The following ADAMTS18 variants were observed in gnomAD, a reference collection of about 807,000 sequenced individuals.
The protein encoded by ADAMTS18 is A disintegrin and metalloproteinase with thrombospondin motifs 18.
ADAMTS18 carries 157 observed loss-of-function variants against 165.9 expected under a neutral mutation model. The observed-to-expected ratio is 0.95, with a 90% confidence interval of 0.83 to 1.08. The LOEUF is 1.08. Ranked by LOEUF, ADAMTS18 falls within the 50% of genes least tolerant of loss-of-function variation. The pLI is 0.00. For synonymous variants in ADAMTS18, 782 were observed against 578.2 expected, an observed-to-expected ratio of 1.35 and a Z score of -5.06; for missense variants, 2,040 against 1,534.0, an observed-to-expected ratio of 1.33 and a Z score of -5.51.
chr16:77,426,465 G>T (rs540177959), intron 3 of ADAMTS18, among the ~76,000 whole-genome samples: 223 of 152,264 alleles, frequency 1.5e-3, no homozygotes, highest in Non-Finnish European at 2.3e-3. Flanking sequence ...GCATTGTACA[G>T]CTCAGAGAGG....
In ADAMTS18 at chr16:77,297,309, G is replaced by A. The variant is rs377074746; in HGVS notation, c.2781C>T (p.Asn927=). ...TKPVTEPKIC[N]AFSCPAYWMP... is the part of the protein sequence containing the mutation. Reference sequence around the variant, plus strand: ...CTTACTAAGCCGGGCAGGAGAAAGCGTTGCAGATTTTGGGCTCAGTTACTG... The same window carrying A: ...CTTACTAAGCCGGGCAGGAGAAAGCATTGCAGATTTTGGGCTCAGTTACTG... Residue 927 remains asparagine (N), a synonymous_variant, in exon 18 of 23, where the codon AAC becomes AAT. Coordinates refer to ENST00000282849, the MANE Select transcript of ADAMTS18 (RefSeq NM_199355.4). 1.7e-4 allele frequency: 277 copies of A among 1,614,036 alleles called. No individual in the cohort carries two copies. Among genetic ancestry groups the A allele is most frequent in the Middle Eastern group, 3.3e-4 (2 of 6,084 alleles).
intron 16 of ADAMTS18, among the ~76,000 whole-genome samples, chr16:77,308,964 C>T (rs1217645811): frequency 6.6e-6 from 1 of 152,138 alleles, no homozygotes; most frequent in Non-Finnish European, 1.5e-5. Context: ...AAACATAATG[C>T]AGTCACTGAT....
chr16:77,374,669 G>A (rs924434731), intron 3 of ADAMTS18, among the ~76,000 whole-genome samples: 8 of 152,148 alleles, frequency 5.3e-5, no homozygotes, highest in Admixed American at 5.2e-4. Flanking sequence ...TGGACTAACC[G>A]GTTTGGAAGC....
intron 10 of ADAMTS18, among the ~76,000 whole-genome samples, chr16:77,342,611 A>T (rs1038610896): frequency 3.3e-5 from 5 of 152,158 alleles, no homozygotes; most frequent in African/African-American, 1.2e-4. Context: ...TCTCTATTGC[A>T]GTTTTCAAAT....
intron 22 of ADAMTS18, among the ~76,000 whole-genome samples, chr16:77,288,841 G>C (rs1226139805): frequency 6.6e-6 from 1 of 152,156 alleles, no homozygotes; most frequent in Non-Finnish European, 1.5e-5. Context: ...GGCTGGGCAT[G>C]TGGCTTGTGA....
intron 19 of ADAMTS18, among the ~76,000 whole-genome samples, 200 bp from the exon 20 acceptor site, chr16:77,293,458 CT>C (rs1304423788): frequency 2.0e-5 from 3 of 151,910 alleles, no homozygotes; most frequent in Non-Finnish European, 2.9e-5. Flanking sequence ...TATTTGAATT[CT>C]TTCTGTAAAT....
At chr16:77,400,480 GTTTTGT>G (rs1286768479) in intron 3 of ADAMTS18, among the ~76,000 whole-genome samples, 3 of 104,034 alleles carry the variant, frequency 2.9e-5, no homozygotes, top group African/African-American at 9.6e-5. Flanking sequence ...GTGTGTGTGT[GTTTTGT>G]TTTTTTTTTT....
intron 3 of ADAMTS18, among the ~76,000 whole-genome samples, chr16:77,411,299 T>G (rs1444713204): frequency 6.6e-6 from 1 of 152,178 alleles, no homozygotes; most frequent in Non-Finnish European, 1.5e-5. Flanking sequence ...AGACCTTTCC[T>G]GGCATTCTGT....
At chr16:77,384,755 C>T (rs1482336350) in intron 3 of ADAMTS18, among the ~76,000 whole-genome samples, 1 of 152,060 alleles carries the variant, frequency 6.6e-6, no homozygotes, top group Non-Finnish European at 1.5e-5. Flanking sequence ...AGAAGAGAAA[C>T]GTATATAGTA....
intron 3 of ADAMTS18, among the ~76,000 whole-genome samples, chr16:77,402,838 C>T (rs962197524): frequency 6.6e-6 from 1 of 152,164 alleles, no homozygotes; most frequent in Non-Finnish European, 1.5e-5. Context: ...ACCAAGAACT[C>T]CAGCCAAGGT....
In ADAMTS18 at chr16:77,334,789, AATATACT is replaced by A. The variant is rs1386662789; in HGVS notation, c.1859+960_1859+966del. Among the ~76,000 whole-genome samples, 17 of 23,926 alleles carry A rather than the reference AATATACT, an allele frequency of 7.1e-4. 1 individual carries two copies. The highest frequency in any genetic ancestry group is 1.5e-3 in the East Asian group (2 of 1,314). The allele number at this position is 23,926 out of a possible 152,430, so 15.7% of individuals were successfully genotyped here. ...AGTATATATACTATAGTATACAGTA[AATATACT>A]ATATACTATAGTATACAGTATATAT... On this transcript the variant is annotated intron_variant, in intron 12 of 22. Coordinates refer to ENST00000282849, the MANE Select transcript of ADAMTS18 (RefSeq NM_199355.4).
intron 17 of ADAMTS18, among the ~76,000 whole-genome samples, chr16:77,299,715 A>C (rs771946738): frequency 5.3e-5 from 8 of 152,254 alleles, no homozygotes; most frequent in Non-Finnish European, 1.2e-4. Flanking sequence ...CTCACCCAGT[A>C]GATGGTTGCT....
intron 3 of ADAMTS18, among the ~76,000 whole-genome samples, chr16:77,372,579 G>T (rs2056891715): frequency 6.6e-6 from 1 of 152,252 alleles, no homozygotes; most frequent in Non-Finnish European, 1.5e-5. Flanking sequence ...CCTGTTTCAG[G>T]CATTGCCATA....
chr16:77,367,150 G>C (rs1440788125), intron 4 of ADAMTS18, among the ~76,000 whole-genome samples: 4 of 152,096 alleles, frequency 2.6e-5, no homozygotes, highest in Admixed American at 6.6e-5. Context: ...TTTGTCATTG[G>C]AAATCTAGGT....
intron 3 of ADAMTS18, among the ~76,000 whole-genome samples, chr16:77,368,027 C>T (rs1252463853): frequency 6.6e-6 from 1 of 152,156 alleles, no homozygotes; most frequent in Non-Finnish European, 1.5e-5. Flanking sequence ...CAGGCACGTG[C>T]TACCACGGCC....
chr16:77,382,898 G>A (rs558498480), intron 3 of ADAMTS18, among the ~76,000 whole-genome samples: 11 of 152,154 alleles, frequency 7.2e-5, no homozygotes, highest in South Asian at 2.1e-4. Context: ...CTTGGAAAGC[G>A]GCGGCTTGAA....
rs2055459367 is a variant in ADAMTS18 at position 77,295,846 on chromosome 16, A to C, written c.2802-719T>G. ...TATATTTGAACGGTTATCAATTGAA[A>C]CTTTTTTTGTTTTTGAGATGGAGTC... On this transcript the variant is annotated intron_variant, in intron 18 of 22. Coordinates refer to ENST00000282849, the MANE Select transcript of ADAMTS18 (RefSeq NM_199355.4). 6.6e-5 allele frequency among the ~76,000 whole-genome samples: 10 copies of C among 151,868 alleles called. 1 individual carries two copies. The South Asian group carries it at 2.1e-3, about 32-fold the overall frequency.
chr16:77,361,370 G>C (rs1261490496), intron 7 of ADAMTS18, among the ~76,000 whole-genome samples: 1 of 152,088 alleles, frequency 6.6e-6, no homozygotes, highest in Non-Finnish European at 1.5e-5. Context: ...TGCAATTCTT[G>C]CTATCACTGT....
chr16:77,429,470 G>C (rs1409502739), intron 3 of ADAMTS18, among the ~76,000 whole-genome samples: 1 of 152,140 alleles, frequency 6.6e-6, no homozygotes, highest in East Asian at 1.9e-4. Flanking sequence ...GAACAGAAAA[G>C]ATAACCATTG....
Sources: gnomAD v4.1 joint callset for allele counts (sites outside exome capture counted in the v4.1 genomes callset) on GRCh38, gnomAD v4.1.1 for gene constraint, MANE v1.5 for transcripts, NCBI Gene and HGNC (gene_info 2026-07-23, HGNC 2026-07-21) for gene names.